HDAC4: variants seen among roughly 807,000 people sequenced by gnomAD.
HDAC4 encodes the protein histone deacetylase A.
Under a neutral mutation model 135.1 loss-of-function variants are expected in HDAC4, and 16 were observed. The ratio of observed to expected loss-of-function variants is 0.12; its 90% CI spans 0.08 to 0.18. The LOEUF (loss-of-function observed/expected upper bound fraction) is 0.18. Among genes scored for constraint, HDAC4 ranks in the 10% least tolerant of loss-of-function variants. The pLI is 1.00. For synonymous variants in HDAC4, 685 were observed against 653.4 expected, an observed-to-expected ratio of 1.05 and a Z score of -0.74; for missense variants, 1,143 against 1,511.8, an observed-to-expected ratio of 0.76 and a Z score of 4.05.
At chr2:239,339,216 G>T (rs1311435646) in intron 2 of HDAC4, among the ~76,000 whole-genome samples, 3 of 152,234 alleles carry the variant, frequency 2.0e-5, no homozygotes, top group African/African-American at 7.2e-5. Context: ...AGGGTCTGGG[G>T]TTGCCTGTAA....
Position 239,052,727 on chromosome 2 carries a change from A to G in HDAC4, c.*370T>C. 1 of 310,824 alleles carries G rather than the reference A, an allele frequency of 3.2e-6. No homozygotes were observed. The highest frequency in any genetic ancestry group is 4.7e-5 in the Admixed American group (1 of 21,480). 19.3% of individuals were successfully genotyped at this position (310,824 alleles called of 1,614,324 possible). ...TGTTTTGTATTATTAGATCTTTGATATTTGTTTTCTGTGCCTCGTGTCAAC... is the reference window on the plus strand; with the variant it reads ...TGTTTTGTATTATTAGATCTTTGATGTTTGTTTTCTGTGCCTCGTGTCAAC... On this transcript the variant is annotated 3_prime_UTR_variant, in exon 27 of 27. Coordinates refer to ENST00000543185, the MANE Select transcript of HDAC4 (RefSeq NM_001378414.1).
chr2:239,243,363 A>G (rs1249195911), intron 2 of HDAC4, among the ~76,000 whole-genome samples: 1 of 152,138 alleles, frequency 6.6e-6, no homozygotes, highest in Non-Finnish European at 1.5e-5. Flanking sequence ...CATGTTAGCC[A>G]GGATGGTCTC....
At chr2:239,236,220 T>G (rs2047878203) in intron 3 of HDAC4, among the ~76,000 whole-genome samples, 1 of 152,204 alleles carries the variant, frequency 6.6e-6, no homozygotes, top group South Asian at 2.1e-4. Context: ...CACGGTCACG[T>G]GGCCAGTGGG....
At chr2:239,124,302 C>T (rs2039941923) in intron 12 of HDAC4, among the ~76,000 whole-genome samples, 1 of 152,224 alleles carries the variant, frequency 6.6e-6, no homozygotes, top group East Asian at 1.9e-4. Context: ...AAATGCTCCC[C>T]ATCTGCCCGC....
rs139043047 is a variant in HDAC4, at chr2:239,051,186, A to G, written c.*1911T>C. The stretch of plus-strand genomic sequence containing the variant: ...CCTGCCCTTGCCACGGAGGGGAAAA[A>G]CACACCACCCCTCGTAATACTACTA... On this transcript the variant is annotated 3_prime_UTR_variant, in exon 27 of 27. Transcript: ENST00000543185. The G allele has an allele frequency of 6.6e-6, 1 of 152,518 alleles. No individual in the cohort carries two copies. The highest frequency in any genetic ancestry group is 2.4e-5 in the African/African-American group (1 of 41,422). The allele number at this position is 152,518 out of a possible 1,614,324, so 9.4% of individuals were successfully genotyped here.
At chr2:239,252,868 C>A (rs1212306974) in intron 2 of HDAC4, among the ~76,000 whole-genome samples, 1 of 152,160 alleles carries the variant, frequency 6.6e-6, no homozygotes, top group Non-Finnish European at 1.5e-5. Flanking sequence ...TTCTCTCCTC[C>A]CTCCCTGACG....
In HDAC4 at chr2:239,385,119, G is replaced by A. The variant is rs549783073; in HGVS notation, c.-220+15859C>T. Among the ~76,000 whole-genome samples the A allele has an allele frequency of 1.4e-4, 21 of 152,292 alleles. No individual in the cohort carries two copies. The South Asian group carries it at 2.7e-3, about 20-fold the overall frequency. ...GAGAAGGGCACCTTGCTTCCCGGCCGCCTCCACAGGACTGGCACAATCGGA... is the reference window on the plus strand; with the variant it reads ...GAGAAGGGCACCTTGCTTCCCGGCCACCTCCACAGGACTGGCACAATCGGA... On this transcript the variant is annotated intron_variant, in intron 1 of 26. Coordinates refer to ENST00000543185, the MANE Select transcript of HDAC4 (RefSeq NM_001378414.1).
At chr2:239,229,158 T>C (rs2153155491) in intron 3 of HDAC4, among the ~76,000 whole-genome samples, 1 of 152,114 alleles carries the variant, frequency 6.6e-6, no homozygotes, top group South Asian at 2.1e-4. Context: ...TCTCAAAAAA[T>C]AAATAAAAAT....
At chr2:239,091,765 A>G (rs889863060) in intron 17 of HDAC4, 2 of 152,210 alleles carry the variant, frequency 1.3e-5, no homozygotes, top group African/African-American at 2.4e-5. Flanking sequence ...TTTTCAAAAA[A>G]TTAGCCAGAT....
At chr2:239,093,821 G>T in intron 17 of HDAC4, 1 of 474,146 alleles carries the variant, frequency 2.1e-6, no homozygotes, top group Non-Finnish European at 2.8e-6. Flanking sequence ...CGTGCTGGCT[G>T]CAGGGCAGTG....
chr2:239,219,437 G>A (rs1030620081), intron 3 of HDAC4, among the ~76,000 whole-genome samples: 3 of 151,360 alleles, frequency 2.0e-5, no homozygotes, highest in Non-Finnish European at 4.4e-5. Context: ...CGTGGACACA[G>A]GAAGGGGAAC....
intron 2 of HDAC4, among the ~76,000 whole-genome samples, chr2:239,246,485 G>A (rs867715981): frequency 3.9e-5 from 6 of 152,216 alleles, no homozygotes; most frequent in Admixed American, 6.5e-5. Context: ...TCCTGGCACC[G>A]AGCATAGAGC....
chr2:239,315,394 G>A (rs928303535), intron 2 of HDAC4, among the ~76,000 whole-genome samples: 3 of 152,196 alleles, frequency 2.0e-5, no homozygotes, highest in African/African-American at 7.2e-5. Flanking sequence ...TTACACACCT[G>A]TAATCAGAAT....
At chr2:239,070,818 A>C (rs1359810892) in intron 22 of HDAC4, among the ~76,000 whole-genome samples, 1 of 152,212 alleles carries the variant, frequency 6.6e-6, no homozygotes, top group Non-Finnish European at 1.5e-5. Flanking sequence ...TTTATTTCTC[A>C]AGCTCCATCA....
chr2:239,348,372 G>A (rs367672277), intron 2 of HDAC4, among the ~76,000 whole-genome samples: 1 of 152,194 alleles, frequency 6.6e-6, no homozygotes, highest in African/African-American at 2.4e-5. Flanking sequence ...CGAACATTCC[G>A]GAAGGGAAAG....
chr2:239,375,914 C>A (rs1281826021), intron 1 of HDAC4, among the ~76,000 whole-genome samples: 1 of 152,224 alleles, frequency 6.6e-6, no homozygotes, highest in African/African-American at 2.4e-5. Flanking sequence ...CTGGCAGTCA[C>A]CCCACCCGAC....
At chr2:239,090,491 T>C (rs547659182) in intron 17 of HDAC4, among the ~76,000 whole-genome samples, 15 of 150,726 alleles carry the variant, frequency 1.0e-4, no homozygotes, top group African/African-American at 3.7e-4. Flanking sequence ...AGCTTGAGTA[T>C]CTCTGATCTG....
chr2:239,075,845 TC>T (rs1337813176), intron 22 of HDAC4, among the ~76,000 whole-genome samples: 3 of 151,730 alleles, frequency 2.0e-5, no homozygotes, highest in African/African-American at 7.3e-5. Flanking sequence ...TGCCAGCCAC[TC>T]CCCTTGGTTT....
intron 11 of HDAC4, among the ~76,000 whole-genome samples, chr2:239,129,856 A>G (rs1205216983): frequency 1.3e-5 from 2 of 152,182 alleles, no homozygotes; most frequent in African/African-American, 4.8e-5. Flanking sequence ...ACCCAAACTA[A>G]TTAGTGAGTG....
Sources: gnomAD v4.1 joint callset for allele counts (sites outside exome capture counted in the v4.1 genomes callset) on GRCh38, gnomAD v4.1.1 for gene constraint, MANE v1.5 for transcripts, NCBI Gene and HGNC (gene_info 2026-07-23, HGNC 2026-07-21) for gene names.